The following VAV2 variants were observed in gnomAD, a reference collection of about 807,000 sequenced individuals.
VAV2 encodes vav guanine nucleotide exchange factor 2.
A neutral mutation model predicts 132.5 loss-of-function variants in VAV2; 67 were observed. The ratio of observed to expected loss-of-function variants is 0.51; its 90% CI spans 0.42 to 0.62. VAV2 has a LOEUF of 0.62. VAV2 is among the 20% of genes least tolerant of loss of function. VAV2 has a pLI of 0.00. For missense variants in VAV2, 938 were observed against 1,153.6 expected (o/e 0.81, Z 2.71); for synonymous variants, 492 against 443.5 (o/e 1.11, Z -1.37).
At chr9:133,931,924 AC>A (rs1421854460) in intron 2 of VAV2, among the ~76,000 whole-genome samples, 3 of 152,178 alleles carry the variant, frequency 2.0e-5, no homozygotes, top group Non-Finnish European at 1.5e-5. Context: ...TGGGGATAAC[AC>A]AGGCGACACC....
chr9:133,918,752 G>A lies in VAV2; in HGVS notation c.321+20351C>T, dbSNP rs574298624. Among the ~76,000 whole-genome samples the A allele has an allele frequency of 7.0e-6, 1 of 143,232 alleles. No homozygotes were observed. Among genetic ancestry groups the A allele is most frequent in the African/African-American group, 3.0e-5 (1 of 33,172 alleles). The allele number at this position is 143,232 out of a possible 152,430, so 94.0% of individuals were successfully genotyped here. On this transcript the variant is annotated intron_variant, in intron 2 of 29. Coordinates refer to ENST00000371850, the MANE Select transcript of VAV2 (RefSeq NM_001134398.2). This position sits in a 1 kb window ranked among gnomAD's most constrained non-coding sequence, Gnocchi z 4.7. ...CTCCTAAGCCTCCCAAGAAGCAGCC[G>A]CCATGTGTGTGTGTGTGTTTGTTTG...
At position 133,826,425 on chromosome 9, in the gene VAV2, CAGG is replaced by C. The variant is rs773793915; in HGVS notation, c.449+7844_449+7846del. 6.6e-6 allele frequency among the ~76,000 whole-genome samples: 1 copy of C among 152,186 alleles called. No homozygotes were observed. Among genetic ancestry groups the C allele is most frequent in the Non-Finnish European group, 1.5e-5 (1 of 68,026 alleles). ...GCTCAGATGCTCTCTGGGGAGAAGC[CAGG>C]AGGACACGCGGTTCCTGACAGAGCC... is the stretch of plus-strand genomic sequence containing the variant. On this transcript the variant is annotated intron_variant, in intron 4 of 29. Coordinates refer to ENST00000371850, the MANE Select transcript of VAV2 (RefSeq NM_001134398.2). This position sits in a 1 kb window ranked among gnomAD's most constrained non-coding sequence, Gnocchi z 4.2.
rs1456040591 is a variant in VAV2, at chr9:133,838,483, GTGGA to G, written c.381-4147_381-4144del. ...GGTGGGTGGGTGGGTGGGTGGATGG[GTGGA>G]TGGATGGATGGGTGGGTAAGTGGGT... On this transcript the variant is annotated intron_variant, in intron 3 of 29. Transcript: ENST00000371850. 3.6e-5 allele frequency among the ~76,000 whole-genome samples: 3 copies of G among 82,242 alleles called. No homozygotes were observed. In the East Asian group the frequency reaches 1.3e-3, roughly 37 times the overall value. 54.0% of individuals were successfully genotyped at this position (82,242 alleles called of 152,430 possible). A position where few individuals can be genotyped will look rare whatever the true frequency, so the allele number is the denominator to read the frequency against.
chr9:133,944,058 C>T (rs901157594), intron 1 of VAV2, among the ~76,000 whole-genome samples: 1 of 152,184 alleles, frequency 6.6e-6, no homozygotes, highest in African/African-American at 2.4e-5. Flanking sequence ...AGGTGAGGCC[C>T]GAGGGCATCC....
intron 16 of VAV2, 141 bp from the exon 17 acceptor site, chr9:133,786,026 A>ACGTGAGAACATG: frequency 3.9e-6 from 3 of 764,036 alleles, no homozygotes; most frequent in Non-Finnish European, 6.7e-6. Flanking sequence ...GTGTGAACAC[A>ACGTGAGAACATG]TGTTCTCACG....
chr9:133,811,892 G>T (rs1278063182), intron 5 of VAV2, among the ~76,000 whole-genome samples: 1 of 152,222 alleles, frequency 6.6e-6, no homozygotes. Context: ...AGGGCACAGA[G>T]TGGACCAGGA....
chr9:133,981,682 G>A (rs915171411), intron 1 of VAV2, among the ~76,000 whole-genome samples: 6 of 152,238 alleles, frequency 3.9e-5, no homozygotes, highest in Admixed American at 6.5e-5. Context: ...GGTTGAGCTC[G>A]AGGGACACGG....
intron 3 of VAV2, among the ~76,000 whole-genome samples, chr9:133,852,517 T>G (rs1251149499): frequency 6.6e-6 from 1 of 152,080 alleles, no homozygotes; most frequent in Non-Finnish European, 1.5e-5. Context: ...CTCAGCAAGT[T>G]CATCTGACAA....
Position 133,969,144 on chromosome 9 carries a change from A to G in VAV2, c.204+22931T>C, listed in dbSNP as rs560643698. 1.8e-4 allele frequency among the ~76,000 whole-genome samples: 28 copies of G among 151,664 alleles called. No individual in the cohort carries two copies. The highest frequency in any genetic ancestry group is 2.9e-5 in the Non-Finnish European group (2 of 67,916). On this transcript the variant is annotated intron_variant, in intron 1 of 29. Coordinates refer to ENST00000371850, the MANE Select transcript of VAV2 (RefSeq NM_001134398.2). This position sits in a 1 kb window ranked among gnomAD's most constrained non-coding sequence, Gnocchi z 5.1. Reference sequence around the variant, plus strand: ...GATTCACACTTCCCCCGAGAGCTGGATTCCACCGTGCCCGCCGGGCCTGCG... The same window carrying G: ...GATTCACACTTCCCCCGAGAGCTGGGTTCCACCGTGCCCGCCGGGCCTGCG...
At chr9:133,799,016 T>A (rs1834829532) in intron 9 of VAV2, among the ~76,000 whole-genome samples, 1 of 152,216 alleles carries the variant, frequency 6.6e-6, no homozygotes, top group African/African-American at 2.4e-5. Context: ...AGAGCTGCTT[T>A]GCCGTAGGGC....
intron 4 of VAV2, among the ~76,000 whole-genome samples, chr9:133,831,887 G>A (rs1235423455): frequency 6.6e-6 from 1 of 152,220 alleles, no homozygotes; most frequent in Non-Finnish European, 1.5e-5. Flanking sequence ...GGTGACATGG[G>A]CCAGTGGTGT....
At chr9:133,959,101 T>C (rs1480483701) in intron 1 of VAV2, among the ~76,000 whole-genome samples, 1 of 151,898 alleles carries the variant, frequency 6.6e-6, no homozygotes, top group Non-Finnish European at 1.5e-5. Flanking sequence ...GATGATGGGG[T>C]TCCTGACTGA....
At chr9:133,791,316 G>C (rs1465532063) in intron 13 of VAV2, among the ~76,000 whole-genome samples, 1 of 152,088 alleles carries the variant, frequency 6.6e-6, no homozygotes, top group Non-Finnish European at 1.5e-5. Context: ...GAGGAGCAGA[G>C]GCGACTGCCG....
intron 2 of VAV2, among the ~76,000 whole-genome samples, chr9:133,934,146 T>G (rs2259731): frequency 0.81 from 123,148 of 151,680 alleles, 51,403 homozygotes; most frequent in East Asian, 0.93. Context: ...AATGGATGGA[T>G]GAGTGAATGA....
At chr9:133,784,185 T>C in intron 18 of VAV2, 132 bp downstream of exon 18, 2 of 982,610 alleles carry the variant, frequency 2.0e-6, no homozygotes, top group Non-Finnish European at 3.2e-6. Flanking sequence ...GGCCTGACTC[T>C]TGTGGGGTAT....
Position 133,883,103 on chromosome 9 carries a change from C to G in VAV2, c.322-21671G>C, listed in dbSNP as rs12342020. Among the ~76,000 whole-genome samples the G allele has an allele frequency of 6.6e-6, 1 of 152,224 alleles. No homozygotes were observed. Among genetic ancestry groups the G allele is most frequent in the Non-Finnish European group, 1.5e-5 (1 of 68,036 alleles). On this transcript the variant is annotated intron_variant, in intron 2 of 29. Coordinates refer to ENST00000371850, the MANE Select transcript of VAV2 (RefSeq NM_001134398.2). The surrounding 1 kb of genome is among the most constrained non-coding windows in gnomAD (Gnocchi z 4.2). ...AGGCTCCATCCCTATGTCCCCACCC[C>G]CTGCTGCTCTCTCTGGATCCTTCCC...
At chr9:133,977,579 A>G (rs1216578775) in intron 1 of VAV2, among the ~76,000 whole-genome samples, 3 of 152,120 alleles carry the variant, frequency 2.0e-5, no homozygotes. Context: ...TCACTTACCC[A>G]GGCAAATGAC....
At position 133,895,021 on chromosome 9, in the gene VAV2, G is replaced by A. The variant is rs1051451231; in HGVS notation, c.322-33589C>T. ...CAGGGGTTGATGTTCTGAAGATCGC[G>A]TGGGGGGCGTCCGGAGATGGTGTGG... On this transcript the variant is annotated intron_variant, in intron 2 of 29. Transcript: ENST00000371850. Among the ~76,000 whole-genome samples, 6 of 152,020 alleles carry A rather than the reference G, an allele frequency of 3.9e-5. No individual in the cohort carries two copies. In the East Asian group the frequency reaches 5.8e-4, roughly 15 times the overall value.
In VAV2 at chr9:133,952,606, GA is replaced by G. The variant is rs56366481; in HGVS notation, c.205-13388del. 9.0e-3 allele frequency among the ~76,000 whole-genome samples: 1,332 copies of G among 148,556 alleles called. 14 individuals are homozygous for G. The highest frequency in any genetic ancestry group is 0.032 in the African/African-American group (1,277 of 40,406). On this transcript the variant is annotated intron_variant, in intron 1 of 29. Transcript: ENST00000371850. ...CAAAAGAGCAAGACTCTGTCTCGGG[GA>G]AAAAAAAAACAAACCTGAGGCTCTC...
Sources: gnomAD v4.1 joint callset for allele counts (sites outside exome capture counted in the v4.1 genomes callset) on GRCh38, gnomAD v4.1.1 for gene constraint, Gnocchi (gnomAD v3.1) non-coding constraint, MANE v1.5 for transcripts, NCBI Gene and HGNC (gene_info 2026-07-23, HGNC 2026-07-21) for gene names.